The following ANKRD26 variants were observed in gnomAD, a reference collection of about 807,000 sequenced individuals.
The protein encoded by ANKRD26 is ankyrin repeat domain 26, also known as ankyrin repeat domain-containing protein 26.
A neutral mutation model predicts 208.7 loss-of-function variants in ANKRD26; 141 were observed. That is an observed-to-expected ratio of 0.68 (90% CI 0.59 to 0.78). The LOEUF (loss-of-function observed/expected upper bound fraction) is 0.78. Ranked by LOEUF, ANKRD26 falls within the 30% of genes least tolerant of loss-of-function variation. ANKRD26 has a pLI of 0.00. For synonymous variants in ANKRD26, 636 were observed against 660.4 expected (o/e 0.96, Z 0.57); for missense variants, 1,889 against 1,938.7 (o/e 0.97, Z 0.48).
intron 21 of ANKRD26, among the ~76,000 whole-genome samples, chr10:27,038,650 CA>C (rs370980054): frequency 0.13 from 13,738 of 102,882 alleles, 1,918 homozygotes; most frequent in African/African-American, 0.39. Context: ...GATTCCATCT[CA>C]AAAAAAAAAA....
chr10:27,024,633 T>A, intron 27 of ANKRD26, 74 bp from the exon 28 acceptor site: 1 of 796,854 alleles, frequency 1.3e-6, no homozygotes, highest in Non-Finnish European at 2.1e-6. Flanking sequence ...TTATTTCTTA[T>A]GAGTTCATGA....
At chr10:26,987,880 C>T (rs2052417021), downstream of ANKRD26, among the ~76,000 whole-genome samples, 1 of 152,154 alleles carries the variant, frequency 6.6e-6, no homozygotes, top group Non-Finnish European at 1.5e-5. Context: ...CCTGATACAG[C>T]TCTCACACAG....
At chr10:26,993,449 A>C (rs12572539) in intron 5 of ANKRD26, among the ~76,000 whole-genome samples, 3,182 of 152,264 alleles carry the variant, frequency 0.021, 171 homozygotes, top group East Asian at 0.17. Context: ...TTCTTTGCAG[A>C]ATAAAGGAGC....
At chr10:27,005,800 T>A in intron 33 of ANKRD26, 77 bp from the exon 34 acceptor site, 1 of 1,524,782 alleles carries the variant, frequency 6.6e-7, no homozygotes. Flanking sequence ...AGTAAAAGAG[T>A]TGAGAATTTT....
At chr10:27,026,795 GTTTT>G (rs1270457495) in intron 27 of ANKRD26, among the ~76,000 whole-genome samples, 9 of 150,922 alleles carry the variant, frequency 6.0e-5, no homozygotes, top group African/African-American at 2.2e-4. Context: ...TAAGGTTTTG[GTTTT>G]TTTTAGTTTT....
chr10:27,061,728 T>G (rs779714056), intron 12 of ANKRD26, among the ~76,000 whole-genome samples: 1 of 151,760 alleles, frequency 6.6e-6, no homozygotes, highest in Non-Finnish European at 1.5e-5. Context: ...CCACCACGCC[T>G]AATTTTTGTA....
downstream of ANKRD26, among the ~76,000 whole-genome samples, chr10:27,001,448 C>T (rs1317665931): frequency 6.6e-6 from 1 of 152,152 alleles, no homozygotes; most frequent in East Asian, 1.9e-4. Flanking sequence ...GGCGGGTCTT[C>T]CAGTCCGTGG....
chr10:27,003,720 CA>C (rs1183702287), downstream of ANKRD26, among the ~76,000 whole-genome samples: 1 of 152,176 alleles, frequency 6.6e-6, no homozygotes, highest in Non-Finnish European at 1.5e-5. Context: ...CCGAATGGCA[CA>C]ACCTAAAGCT....
At chr10:27,010,374 A>G (rs1454783283) in intron 32 of ANKRD26, among the ~76,000 whole-genome samples, 1 of 152,186 alleles carries the variant, frequency 6.6e-6, no homozygotes, top group Non-Finnish European at 1.5e-5. Flanking sequence ...CTTCCCTTAC[A>G]TTGCGTATCT....
chr10:27,063,063 T>C (rs1271428576), intron 12 of ANKRD26, among the ~76,000 whole-genome samples: 1 of 152,164 alleles, frequency 6.6e-6, no homozygotes, highest in Non-Finnish European at 1.5e-5. Flanking sequence ...CAGCCTGATG[T>C]AACATTTTCT....
At chr10:27,030,522 G>C (rs1404118230) in intron 25 of ANKRD26, 1 of 985,264 alleles carries the variant, frequency 1.0e-6, no homozygotes, top group Non-Finnish European at 1.2e-6. Context: ...TAAGGCTAAG[G>C]TTATGTCGTA....
rs776658228 is a variant in ANKRD26, at chr10:27,043,489, G to A, written c.2098C>T (p.Leu700=). 1 of 1,613,918 alleles carries A rather than the reference G, an allele frequency of 6.2e-7. No individual in the cohort carries two copies. The highest frequency in any genetic ancestry group is 2.2e-5 in the East Asian group (1 of 44,852). Reference sequence around the variant, plus strand: ...AAATTCTTGTAACTAGAGTGGGGTAGCTCACAATCCTCTGAGGCTGTTTCA... The same window carrying A: ...AAATTCTTGTAACTAGAGTGGGGTAACTCACAATCCTCTGAGGCTGTTTCA... The part of the protein sequence containing the change: ...SSETASEDCE[L]PHSSYKNFML... Residue 700 remains leucine, a synonymous_variant, in exon 20 of 34, where the codon CTA becomes TTA. Transcript: ENST00000376087.
intron 18 of ANKRD26, 114 bp downstream of exon 18, chr10:27,046,239 C>T: frequency 9.3e-7 from 1 of 1,080,298 alleles, no homozygotes; most frequent in Non-Finnish European, 1.4e-6. Flanking sequence ...AATCTTTCAG[C>T]AGCATGGAAA....
intron 25 of ANKRD26, among the ~76,000 whole-genome samples, chr10:27,032,341 A>G (rs1359313171): frequency 6.6e-6 from 1 of 152,056 alleles, no homozygotes; most frequent in Non-Finnish European, 1.5e-5. Flanking sequence ...TCTATTAAAA[A>G]TACAAAAATT....
intron 29 of ANKRD26, 74 bp downstream of exon 29, chr10:27,022,484 G>A (rs1444829965): frequency 8.3e-7 from 1 of 1,207,028 alleles, no homozygotes. Context: ...TTATTTCACT[G>A]TTCAAAGCAT....
intron 16 of ANKRD26, among the ~76,000 whole-genome samples, chr10:27,049,293 G>A (rs2054567285): frequency 6.6e-6 from 1 of 151,944 alleles, no homozygotes; most frequent in Admixed American, 6.6e-5. Flanking sequence ...TATCTACTAT[G>A]AATTTTCACC....
At chr10:26,967,952 GC>G in the ANKRD26 span, among the ~76,000 whole-genome samples, 20 of 152,008 alleles carry the variant, frequency 1.3e-4, no homozygotes, top group Non-Finnish European at 2.8e-4. Context: ...CTCCAGCCTT[GC>G]CCCCTCCCTG....
chr10:27,015,680 G>T (rs3781098), intron 30 of ANKRD26, among the ~76,000 whole-genome samples: 15,588 of 152,098 alleles, frequency 0.1, 1,073 homozygotes, highest in East Asian at 0.28. Flanking sequence ...TGAGAATGAG[G>T]AGTGAAGACT....
intron 21 of ANKRD26, 44 bp downstream of exon 21, chr10:27,039,921 T>C (rs1464055384): frequency 6.5e-7 from 1 of 1,549,030 alleles, no homozygotes; most frequent in South Asian, 1.1e-5. Flanking sequence ...TATATATCTT[T>C]AGTACAAATA....
Sources: allele counts gnomAD v4.1 joint callset (sites outside exome capture counted in the v4.1 genomes callset), GRCh38; gene constraint gnomAD v4.1.1; transcripts MANE v1.5; gene names NCBI Gene and HGNC (gene_info 2026-07-23, HGNC 2026-07-21).